Variants in RBFOX1 observed in about 807,000 individuals in gnomAD.
The protein encoded by RBFOX1 is RNA binding fox-1 homolog 1, also known as RNA binding protein fox-1 homolog 1.
A neutral mutation model predicts 57.7 loss-of-function variants in RBFOX1; 8 were observed. That is an observed-to-expected ratio of 0.14 (90% CI 0.08 to 0.25). RBFOX1 has a LOEUF of 0.25. Ranked by LOEUF, RBFOX1 falls within the 10% of genes least tolerant of loss-of-function variation. The pLI is 1.00. For synonymous variants in RBFOX1, 326 were observed against 222.4 expected, an observed-to-expected ratio of 1.47 and a Z score of -4.15; for missense variants, 611 against 548.5, an observed-to-expected ratio of 1.11 and a Z score of -1.14.
intron 3 of RBFOX1, among the ~76,000 whole-genome samples, chr16:7,030,972 G>A (rs541767770): frequency 8.5e-5 from 13 of 152,194 alleles, no homozygotes; most frequent in Non-Finnish European, 1.9e-4. Flanking sequence ...AAAGGACATG[G>A]GGTGTGTGGA....
At chr16:5,958,790 G>A (rs551679602) in intron 4 of RBFOX1, among the ~76,000 whole-genome samples, 1 of 152,186 alleles carries the variant, frequency 6.6e-6, no homozygotes, top group Non-Finnish European at 1.5e-5. Context: ...CACATTCCTT[G>A]GCTGGTAGCC....
intron 3 of RBFOX1, among the ~76,000 whole-genome samples, chr16:6,673,052 A>C (rs2098777320): frequency 6.6e-6 from 1 of 152,138 alleles, no homozygotes; most frequent in Non-Finnish European, 1.5e-5. Flanking sequence ...CTGAAGAAAA[A>C]CCACAGTGCT....
chr16:7,162,266 C>T (rs1472142589), intron 4 of RBFOX1, among the ~76,000 whole-genome samples: 1 of 152,118 alleles, frequency 6.6e-6, no homozygotes, highest in Non-Finnish European at 1.5e-5. Context: ...ACTTATATTT[C>T]CTCTCTCTCC....
intron 3 of RBFOX1, among the ~76,000 whole-genome samples, chr16:5,804,413 G>T (rs974504906): frequency 2.6e-4 from 39 of 152,214 alleles, no homozygotes; most frequent in African/African-American, 8.9e-4. Flanking sequence ...AAGGACGTTA[G>T]TGAAATATCA....
chr16:5,680,918 G>T (rs1183762061), intron 3 of RBFOX1, among the ~76,000 whole-genome samples: 1 of 151,816 alleles, frequency 6.6e-6, no homozygotes, highest in Non-Finnish European at 1.5e-5. Flanking sequence ...TGTGTGCTTG[G>T]TTGGGGGGCA....
intron 2 of RBFOX1, among the ~76,000 whole-genome samples, chr16:6,571,989 C>G (rs149345706): frequency 6.6e-6 from 1 of 152,042 alleles, no homozygotes; most frequent in African/African-American, 2.4e-5. Flanking sequence ...TGGTGATAGC[C>G]TTTCACATTT....
chr16:7,089,098 G>T (rs1385054933), intron 4 of RBFOX1, among the ~76,000 whole-genome samples: 1 of 152,098 alleles, frequency 6.6e-6, no homozygotes, highest in Non-Finnish European at 1.5e-5. Flanking sequence ...CTTTCTTTGG[G>T]ACATTTTCCT....
intron 5 of RBFOX1, among the ~76,000 whole-genome samples, chr16:7,551,088 CAA>C (rs539169022): frequency 2.0e-4 from 15 of 76,726 alleles, no homozygotes; most frequent in Non-Finnish European, 2.4e-4. Flanking sequence ...GAGCGAGACT[CAA>C]AAAAAAAAAA....
At chr16:5,622,555 C>G (rs1325372299) in intron 3 of RBFOX1, among the ~76,000 whole-genome samples, 4 of 152,314 alleles carry the variant, frequency 2.6e-5, no homozygotes, top group African/African-American at 7.2e-5. Context: ...TCTAGTGGTA[C>G]TTTTTAAAAA....
chr16:5,673,055 C>T (rs1018457968), intron 3 of RBFOX1, among the ~76,000 whole-genome samples: 6 of 152,074 alleles, frequency 3.9e-5, no homozygotes, highest in Non-Finnish European at 5.9e-5. Flanking sequence ...CGCCTCCACC[C>T]GCTTCCAGCG....
rs539030266 is a variant in RBFOX1 at position 6,267,524 on chromosome 16, C to T, written c.-126-49471C>T. Among the ~76,000 whole-genome samples, 48 of 152,234 alleles carry T rather than the reference C, an allele frequency of 3.2e-4. 1 individual carries two copies. In the East Asian group the frequency reaches 6.6e-3, roughly 21 times the overall value. ...AATCCAGTTGATTCCTTTGTGAAAA[C>T]GAGCAACAGTCCTTTCTTTAGCAGA... On this transcript the variant is annotated intron_variant, in intron 1 of 15. Transcript: ENST00000550418.
intron 3 of RBFOX1, among the ~76,000 whole-genome samples, chr16:5,688,352 C>G (rs1416073616): frequency 6.6e-6 from 1 of 152,144 alleles, no homozygotes; most frequent in Non-Finnish European, 1.5e-5. Flanking sequence ...TCAGTGAGAG[C>G]CATTTTGACT....
At chr16:6,932,365 C>T (rs562758458) in intron 3 of RBFOX1, among the ~76,000 whole-genome samples, 1 of 152,274 alleles carries the variant, frequency 6.6e-6, no homozygotes, top group Non-Finnish European at 1.5e-5. Context: ...CCTCAGGCTC[C>T]CTAAGTGCTG....
intron 2 of RBFOX1, among the ~76,000 whole-genome samples, chr16:6,519,728 G>A (rs2096462792): frequency 6.6e-6 from 1 of 152,046 alleles, no homozygotes; most frequent in Non-Finnish European, 1.5e-5. Flanking sequence ...AAAACTCTGC[G>A]AGAACTACCA....
chr16:6,084,983 A>G (rs1261241462), intron 1 of RBFOX1, among the ~76,000 whole-genome samples: 1 of 152,200 alleles, frequency 6.6e-6, no homozygotes, highest in Admixed American at 6.5e-5. Flanking sequence ...GTTCATTTGC[A>G]GAAGTGGTTT....
At chr16:5,641,580 G>T (rs1271175173) in intron 3 of RBFOX1, among the ~76,000 whole-genome samples, 1 of 152,192 alleles carries the variant, frequency 6.6e-6, no homozygotes, top group African/African-American at 2.4e-5. Flanking sequence ...ACCATTTATT[G>T]CAAGTGTGAT....
chr16:7,366,502 T>C (rs985915270), intron 4 of RBFOX1, among the ~76,000 whole-genome samples: 1 of 152,194 alleles, frequency 6.6e-6, no homozygotes, highest in Non-Finnish European at 1.5e-5. Context: ...AGACAGGCTG[T>C]TGAGGCACAG....
At chr16:6,875,026 AGTT>A (rs1340461337) in intron 3 of RBFOX1, among the ~76,000 whole-genome samples, 2 of 152,202 alleles carry the variant, frequency 1.3e-5, no homozygotes, top group Non-Finnish European at 2.9e-5. Context: ...AATGGGGAGA[AGTT>A]GTGAGTGGGA....
At position 5,318,079 on chromosome 16, in the gene RBFOX1, A is replaced by C. The variant is rs113655124; in HGVS notation, c.219+77974A>C. On this transcript the variant is annotated intron_variant, in intron 1 of 2. Transcript: ENST00000585867. ...GAGTGGATGTCTGTAGGTTTGAGTTAAAGTGTCTCCTGCTAAGACACTTTA... is the reference window on the plus strand; with the variant it reads ...GAGTGGATGTCTGTAGGTTTGAGTTCAAGTGTCTCCTGCTAAGACACTTTA... Among the ~76,000 whole-genome samples, 14 of 152,172 alleles carry C rather than the reference A, an allele frequency of 9.2e-5. No homozygotes were observed. In the South Asian group the frequency reaches 2.9e-3, roughly 32 times the overall value.
Sources: gnomAD v4.1 joint callset for allele counts (sites outside exome capture counted in the v4.1 genomes callset) on GRCh38, gnomAD v4.1.1 for gene constraint, MANE v1.5 for transcripts, NCBI Gene and HGNC (gene_info 2026-07-23, HGNC 2026-07-21) for gene names.